SNX29: variants seen among roughly 807,000 people sequenced by gnomAD.
SNX29 encodes the protein sorting nexin-29.
A neutral mutation model predicts 102.1 loss-of-function variants in SNX29; 78 were observed. The observed-to-expected ratio is 0.76, with a 90% CI of 0.64 to 0.92. The LOEUF is 0.92. Ranked by LOEUF, SNX29 falls within the 40% of genes least tolerant of loss-of-function variation. The probability of loss-of-function intolerance (pLI) is 0.00; values close to 1 mark genes in which losing one functional copy is unlikely to be tolerated. For synonymous variants in SNX29, 580 were observed against 414.5 expected, an observed-to-expected ratio of 1.40 and a Z score of -4.85; for missense variants, 1,280 against 1,061.7, an observed-to-expected ratio of 1.21 and a Z score of -2.86.
At chr16:12,413,163 G>A (rs756409786) in intron 18 of SNX29, among the ~76,000 whole-genome samples, 2 of 152,122 alleles carry the variant, frequency 1.3e-5, no homozygotes, top group Admixed American at 6.5e-5. Flanking sequence ...CCTGGGCAAG[G>A]TTCATCTCAT....
At chr16:12,010,773 G>T in intron 3 of SNX29, among the ~76,000 whole-genome samples, 1 of 151,104 alleles carries the variant, frequency 6.6e-6, no homozygotes. Context: ...TTAACCTTTT[G>T]AGGAATTAGA....
chr16:12,100,017 C>T (rs761048557), intron 11 of SNX29, among the ~76,000 whole-genome samples: 12 of 152,276 alleles, frequency 7.9e-5, no homozygotes, highest in Middle Eastern at 3.4e-3. Context: ...CTACTGTTAT[C>T]GCCTCTCTCT....
At position 12,146,772 on chromosome 16, in the gene SNX29, T is replaced by A. The variant is rs545895196; in HGVS notation, c.1595+17014T>A. ...ATTAATGATGTGGGACTCCCAAAGGTGGGAGAATGGAAATGCCAAATGCTT... is the reference window on the plus strand; with the variant it reads ...ATTAATGATGTGGGACTCCCAAAGGAGGGAGAATGGAAATGCCAAATGCTT... On this transcript the variant is annotated intron_variant, in intron 13 of 20. Transcript: ENST00000566228. 6.6e-5 allele frequency among the ~76,000 whole-genome samples: 10 copies of A among 152,234 alleles called. No individual in the cohort carries two copies. In the South Asian group the frequency reaches 1.2e-3, roughly 19 times the overall value.
intron 18 of SNX29, among the ~76,000 whole-genome samples, chr16:12,418,528 T>A (rs1436675966): frequency 6.6e-6 from 1 of 151,642 alleles, no homozygotes; most frequent in East Asian, 1.9e-4. Flanking sequence ...TTTTCTTTTT[T>A]TTTTGAGATG....
chr16:12,002,850 G>C (rs989360589), intron 2 of SNX29, 141 bp from the exon 3 acceptor site: 1 of 835,136 alleles, frequency 1.2e-6, no homozygotes, highest in Admixed American at 2.4e-5. Context: ...ATACCCAGGG[G>C]ACAGGGACGT....
intron 1 of SNX29, 23 bp downstream of exon 1, chr16:11,976,836 T>C: frequency 1.5e-6 from 2 of 1,358,298 alleles, no homozygotes; most frequent in Non-Finnish European, 1.9e-6. Context: ...CCCGCCGCTG[T>C]CACCTGCCCC....
intron 20 of SNX29, among the ~76,000 whole-genome samples, chr16:12,540,022 TTTAA>T (rs1412665510): frequency 6.6e-6 from 1 of 152,240 alleles, no homozygotes; most frequent in Non-Finnish European, 1.5e-5. Context: ...ATGACACCTT[TTTAA>T]TTTTGATGAA....
chr16:12,198,976 AGGTGG>A (rs2076847519), intron 13 of SNX29, among the ~76,000 whole-genome samples: 1 of 152,152 alleles, frequency 6.6e-6, no homozygotes, highest in Admixed American at 6.5e-5. Flanking sequence ...TGAGTTCAGC[AGGTGG>A]GGTCCTGTCA....
At chr16:12,562,052 GC>G (rs1357975367) in intron 20 of SNX29, among the ~76,000 whole-genome samples, 9 of 150,554 alleles carry the variant, frequency 6.0e-5, no homozygotes, top group African/African-American at 1.9e-4. Flanking sequence ...AATCATCTGT[GC>G]CGTTTTCCTT....
intron 13 of SNX29, among the ~76,000 whole-genome samples, chr16:12,196,639 G>A (rs1290804175): frequency 2.9e-5 from 1 of 34,770 alleles, no homozygotes; most frequent in African/African-American, 9.2e-5. Flanking sequence ...TTTTTTTTTT[G>A]GAGACGGAGT....
chr16:11,978,252 G>T (rs1477060625), intron 1 of SNX29, among the ~76,000 whole-genome samples: 1 of 152,014 alleles, frequency 6.6e-6, no homozygotes, highest in Non-Finnish European at 1.5e-5. Flanking sequence ...ATTCGTGAAT[G>T]TTAGTAATAC....
At chr16:12,269,887 G>T (rs1197762042) in intron 14 of SNX29, among the ~76,000 whole-genome samples, 1 of 151,222 alleles carries the variant, frequency 6.6e-6, no homozygotes, top group Non-Finnish European at 1.5e-5. Context: ...TTGAGATGGG[G>T]TCTCACTCTG....
At chr16:12,313,511 G>C (rs1024899935) in intron 15 of SNX29, among the ~76,000 whole-genome samples, 1 of 152,196 alleles carries the variant, frequency 6.6e-6, no homozygotes, top group African/African-American at 2.4e-5. Flanking sequence ...CAGATGAGAA[G>C]TGCCCTTCCA....
chr16:12,158,203 T>C (rs1174030948), intron 13 of SNX29, among the ~76,000 whole-genome samples: 1 of 152,058 alleles, frequency 6.6e-6, no homozygotes, highest in East Asian at 1.9e-4. Context: ...TTTAATTTTT[T>C]TATTTTTATT....
chr16:12,378,608 G>A lies in SNX29; in HGVS notation c.1900-19838G>A, dbSNP rs145453236. ...AGGTTGCAGTGAGCCGAGAGGGCTCGGTCCCCAGCACCCAAACACCTCTCA... is the reference window on the plus strand; with the variant it reads ...AGGTTGCAGTGAGCCGAGAGGGCTCAGTCCCCAGCACCCAAACACCTCTCA... On this transcript the variant is annotated intron_variant, in intron 16 of 20. Transcript: ENST00000566228. Among the ~76,000 whole-genome samples, 638 of 152,234 alleles carry A rather than the reference G, an allele frequency of 4.2e-3. 4 individuals are homozygous for A. The highest frequency in any genetic ancestry group is 0.015 in the African/African-American group (604 of 41,540).
In SNX29 at chr16:12,377,565, G is replaced by C. The variant is rs35477761; in HGVS notation, c.1900-20881G>C. Among the ~76,000 whole-genome samples, 704 of 152,322 alleles carry C rather than the reference G, an allele frequency of 4.6e-3. 2 individuals carry two copies. Among genetic ancestry groups the C allele is most frequent in the South Asian group, 0.022 (107 of 4,826 alleles). On this transcript the variant is annotated intron_variant, in intron 16 of 20. Transcript: ENST00000566228. ...AGCATAGTTACTTGTGAGCGGTCTT[G>C]ATCACTCAACGGGTAGGTTATGAGG...
intron 13 of SNX29, among the ~76,000 whole-genome samples, chr16:12,149,636 T>C (rs1306020257): frequency 6.6e-6 from 1 of 152,194 alleles, no homozygotes; most frequent in African/African-American, 2.4e-5. Context: ...GGCAAGTTAC[T>C]GTACCTCTGT....
chr16:11,985,985 C>T (rs995679493), intron 1 of SNX29, among the ~76,000 whole-genome samples: 2 of 151,684 alleles, frequency 1.3e-5, no homozygotes, highest in African/African-American at 2.4e-5. Flanking sequence ...TTGTATTTTT[C>T]GTAGAGATGG....
At chr16:12,261,390 G>C (rs971141351) in intron 14 of SNX29, among the ~76,000 whole-genome samples, 1 of 136,708 alleles carries the variant, frequency 7.3e-6, no homozygotes, top group Non-Finnish European at 1.6e-5. Context: ...GTCTGTGCAC[G>C]TGTCCCCGGC....
Sources: allele counts gnomAD v4.1 joint callset (sites outside exome capture counted in the v4.1 genomes callset), GRCh38; gene constraint gnomAD v4.1.1; transcripts MANE v1.5; gene names NCBI Gene and HGNC (gene_info 2026-07-23, HGNC 2026-07-21).